Variants in GAD2 observed in about 807,000 individuals in gnomAD.
GAD2 encodes 65 kDa glutamic acid decarboxylase.
GAD2 carries 22 observed loss-of-function variants against 80.1 expected under a neutral mutation model. The ratio of observed to expected loss-of-function variants is 0.27; its 90% confidence interval spans 0.20 to 0.39. The LOEUF is 0.39. GAD2 is among the 10% of genes least tolerant of loss of function. The probability of loss-of-function intolerance (pLI) is 1.00; values close to 1 mark genes in which losing one functional copy is unlikely to be tolerated. For missense variants in GAD2, 624 were observed against 738.4 expected, an observed-to-expected ratio of 0.85 and a Z score of 1.80; for synonymous variants, 274 against 256.9, an observed-to-expected ratio of 1.07 and a Z score of -0.64.
chr10:26,296,717 A>AT (rs1307477781), intron 15 of GAD2, among the ~76,000 whole-genome samples: 1 of 151,856 alleles, frequency 6.6e-6, no homozygotes, highest in Admixed American at 6.6e-5. Flanking sequence ...TCTTATTTTA[A>AT]TTTTTTTTAT....
At chr10:26,292,695 C>T (rs1475446151) in intron 14 of GAD2, 123 bp downstream of exon 14, 5 of 864,854 alleles carry the variant, frequency 5.8e-6, no homozygotes, top group African/African-American at 3.3e-5. Context: ...CAGTGGATGA[C>T]GGGGTAGCTA....
chr10:26,252,421 C>T (rs1007851143), intron 8 of GAD2, among the ~76,000 whole-genome samples: 2 of 152,106 alleles, frequency 1.3e-5, no homozygotes, highest in Non-Finnish European at 2.9e-5. Flanking sequence ...CAGCTCACTG[C>T]AGCCTCTGCC....
chr10:26,232,468 A>C (rs1407189140), intron 7 of GAD2, among the ~76,000 whole-genome samples: 1 of 131,690 alleles, frequency 7.6e-6, no homozygotes, highest in Admixed American at 7.6e-5. Context: ...AACTCAGTCT[A>C]CTTTTTTTTT....
intron 8 of GAD2, among the ~76,000 whole-genome samples, chr10:26,255,568 G>T (rs1488210463): frequency 6.9e-6 from 1 of 145,972 alleles, no homozygotes; most frequent in African/African-American, 2.6e-5. Context: ...TGAGGTGGAG[G>T]ACCCACTAGA....
chr10:26,265,579 G>T (rs535395227), intron 8 of GAD2, among the ~76,000 whole-genome samples: 1 of 152,208 alleles, frequency 6.6e-6, no homozygotes, highest in East Asian at 1.9e-4. Context: ...GCAGCAGTCT[G>T]TTTCAATGGC....
chr10:26,289,268 C>T (rs1834187483), intron 13 of GAD2, among the ~76,000 whole-genome samples: 1 of 152,078 alleles, frequency 6.6e-6, no homozygotes, highest in African/African-American at 2.4e-5. Context: ...TGAATCTTGC[C>T]TCCCCACAGG....
chr10:26,264,313 T>C (rs1425037783), intron 8 of GAD2, among the ~76,000 whole-genome samples: 1 of 70,014 alleles, frequency 1.4e-5, no homozygotes, highest in Non-Finnish European at 3.1e-5. Flanking sequence ...GATTTCAAGC[T>C]TTTTTTTTTT....
intron 8 of GAD2, among the ~76,000 whole-genome samples, chr10:26,267,507 T>C (rs1845085851): frequency 6.6e-6 from 1 of 152,182 alleles, no homozygotes; most frequent in Admixed American, 6.5e-5. Flanking sequence ...TCACCCTCCC[T>C]TCCCTCCCCT....
chr10:26,258,046 A>G (rs1844964616), intron 8 of GAD2, among the ~76,000 whole-genome samples: 1 of 152,210 alleles, frequency 6.6e-6, no homozygotes, highest in Non-Finnish European at 1.5e-5. Context: ...TGTGTACTTC[A>G]TTCTGCCCTA....
chr10:26,265,450 G>A lies in GAD2; in HGVS notation c.921-3669G>A, dbSNP rs148839404. On this transcript the variant is annotated intron_variant, in intron 8 of 15. Transcript: ENST00000376261. ...AATATCTTGACCTCGTGATCCACCC[G>A]CCTCAGCCTCCCAAATTACTGGGAT... 4.0e-3 allele frequency among the ~76,000 whole-genome samples: 606 copies of A among 151,992 alleles called. 3 individuals carry two copies. The highest frequency in any genetic ancestry group is 0.014 in the African/African-American group (584 of 41,468).
rs8190594 is a variant in GAD2, at chr10:26,217,093, C to G, written c.76+208C>G. ...CCCTGGGAAGACGCCCAAATAGTCT[C>G]AGGCCCGTTCCACAGAAGGTTGGAA... On this transcript the variant is annotated intron_variant, in intron 1 of 15. Coordinates refer to ENST00000376261, the MANE Select transcript of GAD2 (RefSeq NM_001134366.2). This position sits in a 1 kb window ranked among gnomAD's most constrained non-coding sequence, Gnocchi z 4.9. 1.1e-3 allele frequency among the ~76,000 whole-genome samples: 165 copies of G among 152,190 alleles called. 3 individuals are homozygous for G. The South Asian group carries it at 0.015, about 13-fold the overall frequency.
At chr10:26,244,101 T>A (rs1028880213) in intron 7 of GAD2, among the ~76,000 whole-genome samples, 19 of 152,196 alleles carry the variant, frequency 1.2e-4, no homozygotes, top group Non-Finnish European at 2.4e-4. Context: ...GATGCACAAA[T>A]GGCCACTAAG....
chr10:26,282,101 C>T (rs976621878), intron 12 of GAD2, among the ~76,000 whole-genome samples: 1 of 148,492 alleles, frequency 6.7e-6, no homozygotes, highest in East Asian at 2.0e-4. Context: ...CGCCACCACA[C>T]CTGGCTAATT....
At chr10:26,250,501 G>A (rs553543902) in intron 8 of GAD2, among the ~76,000 whole-genome samples, 2 of 152,238 alleles carry the variant, frequency 1.3e-5, no homozygotes, top group East Asian at 3.9e-4. Flanking sequence ...TTTGTGGGAT[G>A]AGGGAAGAAG....
intron 4 of GAD2, among the ~76,000 whole-genome samples, chr10:26,222,090 G>A (rs1844459678): frequency 6.6e-6 from 1 of 152,146 alleles, no homozygotes; most frequent in Non-Finnish European, 1.5e-5. Flanking sequence ...TCATCATCAG[G>A]GAATGAAATT....
rs148928208 is a variant in GAD2, at chr10:26,258,257, C to A, written c.921-10862C>A. On this transcript the variant is annotated intron_variant, in intron 8 of 15. Coordinates refer to ENST00000376261, the MANE Select transcript of GAD2 (RefSeq NM_001134366.2). ...CAGTATGACAAGTTTTCTATCATAG[C>A]CCCTCACAGGGGATATGTCTAACAT... is the stretch of plus-strand genomic sequence containing the variant. 1.6e-3 allele frequency among the ~76,000 whole-genome samples: 237 copies of A among 152,322 alleles called. 1 individual carries two copies. The highest frequency in any genetic ancestry group is 5.6e-3 in the African/African-American group (232 of 41,580).
intron 7 of GAD2, among the ~76,000 whole-genome samples, chr10:26,240,746 A>AG (rs59305338): frequency 1.3e-5 from 2 of 149,614 alleles, no homozygotes; most frequent in African/African-American, 4.9e-5. Flanking sequence ...AAAAAAAAAA[A>AG]TGTGGATGGG....
intron 6 of GAD2, among the ~76,000 whole-genome samples, chr10:26,228,899 T>A (rs1844562961): frequency 6.6e-6 from 1 of 151,776 alleles, no homozygotes; most frequent in African/African-American, 2.4e-5. Context: ...CAGTAAAAAT[T>A]GTTGATTAGG....
intron 10 of GAD2, among the ~76,000 whole-genome samples, chr10:26,271,583 A>C (rs1320923347): frequency 2.0e-5 from 3 of 152,114 alleles, no homozygotes; most frequent in African/African-American, 7.2e-5. Context: ...CTCAGCTGAT[A>C]ATTTTTTCAT....
Sources: gnomAD v4.1 joint callset for allele counts (sites outside exome capture counted in the v4.1 genomes callset) on GRCh38, gnomAD v4.1.1 for gene constraint, Gnocchi (gnomAD v3.1) non-coding constraint, MANE v1.5 for transcripts, NCBI Gene and HGNC (gene_info 2026-07-23, HGNC 2026-07-21) for gene names.